Variants in TMCO5A observed in about 807,000 individuals in gnomAD.
The protein encoded by TMCO5A is transmembrane and coiled-coil domain-containing protein 5A.
TMCO5A carries 34 observed loss-of-function variants against 42.3 expected under a neutral mutation model. The observed-to-expected ratio is 0.80, with a 90% CI of 0.61 to 1.07. TMCO5A has a LOEUF of 1.07. Among genes scored for constraint, TMCO5A ranks in the 50% least tolerant of loss-of-function variants. TMCO5A has a pLI of 0.00. For missense variants in TMCO5A, 357 were observed against 327.9 expected (o/e 1.09, Z -0.69); for synonymous variants, 131 against 115.6 (o/e 1.13, Z -0.86).
At chr15:37,972,160 C>A (rs1399277405), downstream of TMCO5A, among the ~76,000 whole-genome samples, 1 of 152,172 alleles carries the variant, frequency 6.6e-6, no homozygotes, top group Non-Finnish European at 1.5e-5. Context: ...GGAGGCCTCA[C>A]AATTACAGCA....
At chr15:37,997,742 G>A in the TMCO5A span, among the ~76,000 whole-genome samples, 1 of 152,116 alleles carries the variant, frequency 6.6e-6, no homozygotes, top group African/African-American at 2.4e-5. Flanking sequence ...TGGGATTACT[G>A]GGTCATATGG....
chr15:37,956,114 A>G (rs1198622274), downstream of TMCO5A, among the ~76,000 whole-genome samples: 1 of 152,238 alleles, frequency 6.6e-6, no homozygotes, highest in African/African-American at 2.4e-5. Context: ...AGGGAAATTT[A>G]CAGCACTAAA....
At chr15:37,979,636 A>G in the TMCO5A span, among the ~76,000 whole-genome samples, 9 of 152,010 alleles carry the variant, frequency 5.9e-5, no homozygotes, top group Non-Finnish European at 8.8e-5. Flanking sequence ...ACCATGAGGA[A>G]AACAGAGTGG....
the TMCO5A span, among the ~76,000 whole-genome samples, chr15:38,010,425 TCACA>T: frequency 0.08 from 9,419 of 117,376 alleles, 1,186 homozygotes; most frequent in African/African-American, 0.28. Flanking sequence ...CAGAGGGAGA[TCACA>T]CACACACACA....
Position 37,936,281 on chromosome 15 carries a change from G to A in TMCO5A, c.-10-33G>A, listed in dbSNP as rs757332331. 1.4e-5 allele frequency: 23 copies of A among 1,586,582 alleles called. No individual in the cohort carries two copies. In the South Asian group the frequency reaches 2.6e-4, roughly 18 times the overall value. Reference sequence around the variant, plus strand: ...GATGATTATTGATCTTGAGATAACTGGCCCTTGTTCATTTTGGGGGCTGAG... The same window carrying A: ...GATGATTATTGATCTTGAGATAACTAGCCCTTGTTCATTTTGGGGGCTGAG... On this transcript the variant is annotated intron_variant, in intron 2 of 11. Transcript: ENST00000319669.
intron 5 of TMCO5A, 127 bp downstream of exon 5, chr15:37,937,523 T>C (rs566286406): frequency 2.2e-6 from 2 of 928,216 alleles, no homozygotes; most frequent in South Asian, 3.1e-5. Context: ...GAGTGCATAT[T>C]ACTCTCTAAT....
the TMCO5A span, among the ~76,000 whole-genome samples, chr15:38,008,534 G>C: frequency 2.6e-5 from 4 of 152,124 alleles, no homozygotes; most frequent in Admixed American, 6.5e-5. Context: ...AAGGTAGATA[G>C]GATAATCTTA....
downstream of TMCO5A, among the ~76,000 whole-genome samples, chr15:37,972,572 A>G (rs138652067): frequency 4.6e-5 from 7 of 152,180 alleles, no homozygotes; most frequent in East Asian, 9.7e-4. Flanking sequence ...TCTTGACCAT[A>G]TGTATGTCTT....
Position 37,943,489 on chromosome 15 carries a change from A to G in TMCO5A, c.627+91A>G, listed in dbSNP as rs560041053. 35 of 1,276,546 alleles carry G rather than the reference A, an allele frequency of 2.7e-5. No individual in the cohort carries two copies. In the Admixed American group the frequency reaches 4.6e-4, roughly 17 times the overall value. 79.1% of individuals were successfully genotyped at this position (1,276,546 alleles called of 1,614,324 possible). The stretch of plus-strand genomic sequence containing the variant: ...ACTATAAGGCACCAAATATATACCC[A>G]ATCTTGCCATGCGCATTTTCCAAGA... On this transcript the variant is annotated intron_variant, in intron 10 of 11. Transcript: ENST00000319669.
At chr15:38,014,242 T>G in the TMCO5A span, among the ~76,000 whole-genome samples, 1 of 152,320 alleles carries the variant, frequency 6.6e-6, no homozygotes, top group Non-Finnish European at 1.5e-5. Flanking sequence ...TTCTATCATA[T>G]ACTCCTTCCT....
intron 11 of TMCO5A, among the ~76,000 whole-genome samples, chr15:37,960,516 TA>T (rs1427006837): frequency 1.1e-4 from 17 of 152,100 alleles, no homozygotes; most frequent in Non-Finnish European, 2.5e-4. Flanking sequence ...ATCTTTTTTG[TA>T]TGATGACTTC....
rs983915595 is a variant in TMCO5A, at chr15:37,937,511, T to C, written c.315+115T>C. On this transcript the variant is annotated intron_variant, in intron 5 of 11. Coordinates refer to ENST00000319669, the MANE Select transcript of TMCO5A (RefSeq NM_152453.4). ...CCCATAAGTCAGAGAGGCCTGTATG[T>C]GGAGTGCATATTACTCTCTAATCCA... 1.0e-5 allele frequency: 11 copies of C among 1,060,488 alleles called. No individual in the cohort carries two copies. In the African/African-American group the frequency reaches 1.6e-4, roughly 15 times the overall value. 65.7% of individuals were successfully genotyped at this position (1,060,488 alleles called of 1,614,324 possible).
the TMCO5A span, among the ~76,000 whole-genome samples, chr15:38,019,712 G>T: frequency 1.3e-5 from 2 of 150,390 alleles, no homozygotes; most frequent in South Asian, 4.2e-4. Context: ...GACTCAAGTG[G>T]TCCTCTCACC....
chr15:38,001,413 T>C, the TMCO5A span, among the ~76,000 whole-genome samples: 1 of 151,348 alleles, frequency 6.6e-6, no homozygotes, highest in African/African-American at 2.4e-5. Context: ...GTGTTTTTTA[T>C]AGGCAATAGA....
At chr15:38,005,846 G>A in the TMCO5A span, among the ~76,000 whole-genome samples, 1 of 152,196 alleles carries the variant, frequency 6.6e-6, no homozygotes, top group Non-Finnish European at 1.5e-5. Context: ...GTGCAGCAGG[G>A]ATGCAGCCTT....
At chr15:38,003,395 T>C in the TMCO5A span, among the ~76,000 whole-genome samples, 1 of 152,158 alleles carries the variant, frequency 6.6e-6, no homozygotes, top group Non-Finnish European at 1.5e-5. Flanking sequence ...ACTGCTTGGC[T>C]ATCACCTATG....
intron 2 of TMCO5A, among the ~76,000 whole-genome samples, chr15:37,935,748 G>A (rs1292948090): frequency 6.6e-6 from 1 of 151,984 alleles, no homozygotes; most frequent in Non-Finnish European, 1.5e-5. Context: ...AGCCTATGTG[G>A]GTGTGCTCAA....
chr15:38,040,738 C>G, the TMCO5A span: 3 of 152,088 alleles, frequency 2.0e-5, no homozygotes, highest in African/African-American at 2.4e-5. Flanking sequence ...TACAAAATGT[C>G]CAGAATAGGC....
the TMCO5A span, among the ~76,000 whole-genome samples, chr15:37,995,359 T>C: frequency 2.0e-5 from 3 of 152,224 alleles, no homozygotes; most frequent in African/African-American, 7.2e-5. Flanking sequence ...TCCAAAATAA[T>C]CAGAGAAACC....
Sources: allele counts gnomAD v4.1 joint callset (sites outside exome capture counted in the v4.1 genomes callset), GRCh38; gene constraint gnomAD v4.1.1; transcripts MANE v1.5; gene names NCBI Gene and HGNC (gene_info 2026-07-23, HGNC 2026-07-21).